PRR23E: variants seen among roughly 807,000 people sequenced by gnomAD.
PRR23E encodes the protein proline-rich protein 23E.
chr3:127,194,753 T>A, the PRR23E span, among the ~76,000 whole-genome samples: 5 of 152,214 alleles, frequency 3.3e-5, no homozygotes, highest in Non-Finnish European at 5.9e-5. Context: ...CTCCTCCTAC[T>A]GGTCCTCAGC....
At chr3:127,197,233 G>T in the PRR23E span, 1 of 1,599,042 alleles carries the variant, frequency 6.3e-7, no homozygotes, top group South Asian at 1.1e-5. Context: ...TTGAAGACAT[G>T]CAAAGCCCCT....
the PRR23E span, chr3:127,197,177 A>G: frequency 6.3e-7 from 1 of 1,591,540 alleles, no homozygotes; most frequent in East Asian, 2.2e-5. Flanking sequence ...CAGCCAGCTC[A>G]GCCCCCAGGG....
the PRR23E span, chr3:127,197,023 C>A: frequency 6.3e-7 from 1 of 1,596,528 alleles, no homozygotes; most frequent in East Asian, 2.2e-5. Flanking sequence ...AGCTTTGACC[C>A]CCTCATAGGA....
chr3:127,197,368 C>T, the PRR23E span: 1 of 1,580,554 alleles, frequency 6.3e-7, no homozygotes, highest in Non-Finnish European at 8.5e-7. Context: ...TCCCGCTCCT[C>T]CTCCCGGTCA....
At chr3:127,197,605 G>T in the PRR23E span, 1 of 461,446 alleles carries the variant, frequency 2.2e-6, no homozygotes. Flanking sequence ...TTTTCTGTTT[G>T]CCCTTCAACC....
At chr3:127,197,099 C>T in the PRR23E span, 10 of 1,598,348 alleles carry the variant, frequency 6.3e-6, no homozygotes, top group Middle Eastern at 5.0e-4. Flanking sequence ...CACCCACCTA[C>T]TCCTTGGCTT....
At chr3:127,196,622 T>C in the PRR23E span, 1 of 1,491,042 alleles carries the variant, frequency 6.7e-7, no homozygotes, top group African/African-American at 1.4e-5. Context: ...GCGTGTGGCC[T>C]CAGCTTGCAG....
At chr3:127,194,469 A>G in the PRR23E span, among the ~76,000 whole-genome samples, 35 of 152,360 alleles carry the variant, frequency 2.3e-4, no homozygotes, top group African/African-American at 7.9e-4. Flanking sequence ...GGATACGCGT[A>G]TCACAGGCCA....
chr3:127,195,116 G>A, the PRR23E span, among the ~76,000 whole-genome samples: 1 of 152,170 alleles, frequency 6.6e-6, no homozygotes, highest in South Asian at 2.1e-4. Flanking sequence ...AGTTTCCGCT[G>A]TAACTGTGTT....
At chr3:127,197,685 C>T in the PRR23E span, 1 of 341,166 alleles carries the variant, frequency 2.9e-6, no homozygotes. Flanking sequence ...GCTGTGAGTC[C>T]TCAAACATGC....
the PRR23E span, chr3:127,197,043 C>T: frequency 1.9e-6 from 3 of 1,594,584 alleles, no homozygotes; most frequent in East Asian, 6.7e-5. Context: ...AAGTCCGTAT[C>T]TGGCTGCCTT....
the PRR23E span, among the ~76,000 whole-genome samples, chr3:127,193,500 C>T: frequency 0.018 from 2,794 of 152,152 alleles, 55 homozygotes; most frequent in Non-Finnish European, 0.024. Context: ...CCAGCCTGTT[C>T]CCTCAGCCCC....
the PRR23E span, among the ~76,000 whole-genome samples, chr3:127,195,505 T>C: frequency 6.6e-6 from 1 of 152,168 alleles, no homozygotes; most frequent in African/African-American, 2.4e-5. Flanking sequence ...TTTCCCAGTG[T>C]CCTCATCTGC....
the PRR23E span, among the ~76,000 whole-genome samples, chr3:127,195,143 G>A: frequency 6.6e-6 from 1 of 152,180 alleles, no homozygotes; most frequent in Non-Finnish European, 1.5e-5. Context: ...GGGTGGAGGA[G>A]AGAAGAGATA....
the PRR23E span, chr3:127,197,268 G>A: frequency 3.0e-5 from 48 of 1,599,308 alleles, no homozygotes; most frequent in Admixed American, 6.5e-4. Context: ...CTCCAGGTTC[G>A]GTATTTGGGC....
chr3:127,195,136 TGGA>T, the PRR23E span, among the ~76,000 whole-genome samples: 1 of 152,126 alleles, frequency 6.6e-6, no homozygotes, highest in Non-Finnish European at 1.5e-5. Context: ...TTTGCCTGGG[TGGA>T]GGAGAGAAGA....
the PRR23E span, chr3:127,193,310 G>A: frequency 6.6e-6 from 1 of 152,276 alleles, no homozygotes; most frequent in Non-Finnish European, 1.5e-5. Context: ...TAGCCTTATG[G>A]GATGGCTGAG....
the PRR23E span, among the ~76,000 whole-genome samples, chr3:127,195,299 G>A: frequency 3.9e-5 from 6 of 152,074 alleles, no homozygotes; most frequent in Non-Finnish European, 8.8e-5. Context: ...TTCCCGGGCC[G>A]GTTTCTTCCA....
At chr3:127,197,669 A>G in the PRR23E span, 4 of 367,096 alleles carry the variant, frequency 1.1e-5, no homozygotes, top group Non-Finnish European at 1.9e-5. Context: ...GCCCTCTAGT[A>G]GATTTGCTGT....
Sources: allele counts gnomAD v4.1 joint callset (sites outside exome capture counted in the v4.1 genomes callset), GRCh38; gene constraint gnomAD v4.1.1; transcripts MANE v1.5; gene names NCBI Gene and HGNC (gene_info 2026-07-23, HGNC 2026-07-21).